The following MAGI3 variants were observed in gnomAD, a reference collection of about 807,000 sequenced individuals.
MAGI3 encodes the protein membrane associated guanylate kinase, WW and PDZ domain containing 3.
Under a neutral mutation model 121.8 loss-of-function variants are expected in MAGI3, and 43 were observed. The observed-to-expected ratio is 0.35, with a 90% confidence interval of 0.28 to 0.46. MAGI3 has a LOEUF of 0.46. MAGI3 is among the 20% of genes least tolerant of loss of function. MAGI3 has a pLI of 1.00. For synonymous variants in MAGI3, 553 were observed against 639.3 expected (o/e 0.86, Z 2.04); for missense variants, 1,547 against 1,797.3 (o/e 0.86, Z 2.52).
At chr1:113,545,768 A>T (rs868534284) in intron 1 of MAGI3, among the ~76,000 whole-genome samples, 6 of 152,210 alleles carry the variant, frequency 3.9e-5, no homozygotes, top group Admixed American at 1.3e-4. Context: ...ACCTTGACTT[A>T]TAAATTACTT....
At chr1:113,556,943 A>C (rs954337689) in intron 2 of MAGI3, among the ~76,000 whole-genome samples, 2 of 152,244 alleles carry the variant, frequency 1.3e-5, no homozygotes, top group African/African-American at 4.8e-5. Flanking sequence ...TTTAGAAGAC[A>C]AAAACTACCA....
intron 20 of MAGI3, among the ~76,000 whole-genome samples, chr1:113,681,847 C>T (rs1453748123): frequency 2.6e-5 from 4 of 152,176 alleles, no homozygotes; most frequent in Non-Finnish European, 4.4e-5. Flanking sequence ...GGACCTGAGA[C>T]CATTTCTGTC....
chr1:113,412,015 C>T (rs1015776769), intron 1 of MAGI3, among the ~76,000 whole-genome samples: 4 of 144,170 alleles, frequency 2.8e-5, no homozygotes, highest in Non-Finnish European at 6.1e-5. Flanking sequence ...TAATGCTATC[C>T]CTCTCCCCTC....
chr1:113,600,472 A>G (rs1461117783), intron 6 of MAGI3, among the ~76,000 whole-genome samples: 2 of 151,936 alleles, frequency 1.3e-5, no homozygotes, highest in African/African-American at 2.4e-5. Context: ...CCCATTCACA[A>G]TTGCTTCAAA....
At chr1:113,569,104 G>A (rs542544361) in intron 2 of MAGI3, among the ~76,000 whole-genome samples, 4 of 152,192 alleles carry the variant, frequency 2.6e-5, no homozygotes, top group Admixed American at 1.3e-4. Flanking sequence ...TTTAACTCAG[G>A]TTATACTAGT....
chr1:113,665,036 G>A (rs1187627070), intron 16 of MAGI3, among the ~76,000 whole-genome samples: 2 of 151,922 alleles, frequency 1.3e-5, no homozygotes, highest in Non-Finnish European at 2.9e-5. Context: ...TTAAACTCTT[G>A]AGGTTTTATT....
intron 7 of MAGI3, among the ~76,000 whole-genome samples, chr1:113,616,993 T>A (rs1365067981): frequency 2.0e-5 from 3 of 151,560 alleles, no homozygotes. Flanking sequence ...CAGGTTCAAG[T>A]GATTCTCGTA....
chr1:113,634,172 C>T (rs1193412253), intron 9 of MAGI3, among the ~76,000 whole-genome samples: 1 of 152,114 alleles, frequency 6.6e-6, no homozygotes, highest in Non-Finnish European at 1.5e-5. Flanking sequence ...AAAATTTTCT[C>T]CCATTTTGTA....
At chr1:113,488,733 G>A (rs1656525726) in intron 1 of MAGI3, among the ~76,000 whole-genome samples, 1 of 152,182 alleles carries the variant, frequency 6.6e-6, no homozygotes, top group South Asian at 2.1e-4. Flanking sequence ...AGCCTTGGCA[G>A]ACACAGCCAG....
chr1:113,413,970 A>G (rs1188096115), intron 1 of MAGI3, among the ~76,000 whole-genome samples: 1 of 151,950 alleles, frequency 6.6e-6, no homozygotes, highest in African/African-American at 2.4e-5. Context: ...TTTCAAAGGG[A>G]TGCTTCCGGT....
chr1:113,548,188 A>G (rs1415694265), intron 1 of MAGI3, among the ~76,000 whole-genome samples: 1 of 152,254 alleles, frequency 6.6e-6, no homozygotes, highest in Non-Finnish European at 1.5e-5. Context: ...GTATACTTTA[A>G]TCAACTGTTC....
intron 1 of MAGI3, among the ~76,000 whole-genome samples, chr1:113,395,327 A>G (rs1019146798): frequency 7.9e-5 from 12 of 151,694 alleles, no homozygotes; most frequent in Non-Finnish European, 1.6e-4. Context: ...TGCTAGGGAA[A>G]GTAGCATTAC....
At chr1:113,569,753 A>G (rs1333937003) in intron 2 of MAGI3, among the ~76,000 whole-genome samples, 1 of 152,200 alleles carries the variant, frequency 6.6e-6, no homozygotes, top group Admixed American at 6.5e-5. Context: ...TCTTTCAATT[A>G]TAATTGCCAG....
At chr1:113,495,528 G>T (rs892015270) in intron 1 of MAGI3, among the ~76,000 whole-genome samples, 1 of 151,834 alleles carries the variant, frequency 6.6e-6, no homozygotes, top group Non-Finnish European at 1.5e-5. Flanking sequence ...CCTTTCCCCC[G>T]AGTCCCCAAA....
intron 7 of MAGI3, among the ~76,000 whole-genome samples, chr1:113,618,047 GT>G (rs1044044907): frequency 1.4e-4 from 21 of 151,850 alleles, no homozygotes; most frequent in Admixed American, 2.6e-4. Context: ...TTTTGAAAGT[GT>G]TTTTTTAATT....
At chr1:113,489,942 T>C (rs1656590320) in intron 1 of MAGI3, among the ~76,000 whole-genome samples, 2 of 151,960 alleles carry the variant, frequency 1.3e-5, no homozygotes, top group Admixed American at 1.3e-4. Context: ...ATGGGGAGAA[T>C]GGAACCAACT....
At chr1:113,549,388 C>T in intron 1 of MAGI3, 127 bp from the exon 2 acceptor site, 1 of 491,286 alleles carries the variant, frequency 2.0e-6, no homozygotes. Flanking sequence ...TAGTAAAATT[C>T]TCTGATTTCT....
chr1:113,465,132 G>A (rs1228047353), intron 1 of MAGI3, among the ~76,000 whole-genome samples: 2 of 151,820 alleles, frequency 1.3e-5, no homozygotes, highest in East Asian at 1.9e-4. Context: ...TCAGTTGTTC[G>A]AGGTCTTAGA....
At chr1:113,615,673 GT>G (rs1037209082) in intron 7 of MAGI3, among the ~76,000 whole-genome samples, 2 of 152,030 alleles carry the variant, frequency 1.3e-5, no homozygotes, top group African/African-American at 4.8e-5. Context: ...AAAATTAAAT[GT>G]GTCTCCTAAG....
Sources: allele counts gnomAD v4.1 joint callset (sites outside exome capture counted in the v4.1 genomes callset), GRCh38; gene constraint gnomAD v4.1.1; transcripts MANE v1.5; gene names NCBI Gene and HGNC (gene_info 2026-07-23, HGNC 2026-07-21).